The following FNIP1 variants were observed in gnomAD, a reference collection of about 807,000 sequenced individuals.
FNIP1 encodes folliculin interacting protein 1, also known as folliculin-interacting protein 1.
A neutral mutation model predicts 124.5 loss-of-function variants in FNIP1; 40 were observed. The observed-to-expected ratio is 0.32, with a 90% CI of 0.25 to 0.42. The LOEUF is 0.42. Ranked by LOEUF, FNIP1 falls within the 10% of genes least tolerant of loss-of-function variation. FNIP1 has a pLI of 1.00. For synonymous variants in FNIP1, 472 were observed against 470.6 expected (o/e 1.00, Z -0.04); for missense variants, 1,176 against 1,403.7 (o/e 0.84, Z 2.59).
At chr5:131,782,355 C>T (rs1772022269) in intron 1 of FNIP1, among the ~76,000 whole-genome samples, 1 of 151,968 alleles carries the variant, frequency 6.6e-6, no homozygotes, top group Non-Finnish European at 1.5e-5. Flanking sequence ...TCGAGACCAA[C>T]CTTGGCAACG....
At chr5:131,754,485 A>T (rs904503141) in intron 1 of FNIP1, among the ~76,000 whole-genome samples, 7 of 152,270 alleles carry the variant, frequency 4.6e-5, no homozygotes, top group Non-Finnish European at 1.0e-4. Context: ...GCAGTCTTTC[A>T]GTCCATTATC....
intron 15 of FNIP1, among the ~76,000 whole-genome samples, chr5:131,656,435 A>G (rs1449098106): frequency 1.3e-5 from 2 of 152,224 alleles, no homozygotes; most frequent in African/African-American, 4.8e-5. Flanking sequence ...TTTAAATCTC[A>G]TAATGAAAAT....
chr5:131,768,508 C>T (rs961453189), intron 1 of FNIP1, among the ~76,000 whole-genome samples: 13 of 150,684 alleles, frequency 8.6e-5, no homozygotes, highest in Admixed American at 2.6e-4. Context: ...TATAATGTGA[C>T]TTATTTAAAA....
chr5:131,683,688 T>A (rs1033942860), intron 11 of FNIP1, among the ~76,000 whole-genome samples: 1 of 152,234 alleles, frequency 6.6e-6, no homozygotes, highest in Admixed American at 6.5e-5. Flanking sequence ...TTTATTGGTT[T>A]TTCTTTTTCA....
chr5:131,708,705 A>C (rs1442680249), intron 8 of FNIP1, among the ~76,000 whole-genome samples: 2 of 151,536 alleles, frequency 1.3e-5, no homozygotes. Flanking sequence ...GTAAGGGCAG[A>C]CTCTGGGCTT....
At chr5:131,763,221 A>G (rs1045678100) in intron 1 of FNIP1, among the ~76,000 whole-genome samples, 1 of 152,022 alleles carries the variant, frequency 6.6e-6, no homozygotes, top group African/African-American at 2.4e-5. Context: ...TACCCCATTT[A>G]CCTTGATGTG....
chr5:131,742,518 T>C (rs960953661), intron 2 of FNIP1, among the ~76,000 whole-genome samples: 2 of 152,340 alleles, frequency 1.3e-5, no homozygotes, highest in East Asian at 1.9e-4. Context: ...GGCTTTGGTA[T>C]ATTAAATGGT....
At chr5:131,765,198 G>A (rs1771377937) in intron 1 of FNIP1, among the ~76,000 whole-genome samples, 1 of 152,056 alleles carries the variant, frequency 6.6e-6, no homozygotes, top group East Asian at 1.9e-4. Context: ...CTCCAGCCTG[G>A]ATGACAGAGG....
chr5:131,743,472 AG>A lies in FNIP1; in HGVS notation c.219+1091del, dbSNP rs560273698. ...GAGAGCCTGAGTGATAGAGAGACAA[AG>A]GGAAAATGAGAGACACCAACAGACA... On this transcript the variant is annotated intron_variant, in intron 2 of 17. Coordinates refer to ENST00000510461, the MANE Select transcript of FNIP1 (RefSeq NM_133372.3). Among the ~76,000 whole-genome samples the A allele has an allele frequency of 1.6e-3, 244 of 152,046 alleles. 2 individuals carry two copies. The highest frequency in any genetic ancestry group is 5.6e-3 in the African/African-American group (234 of 41,470).
intron 2 of FNIP1, among the ~76,000 whole-genome samples, chr5:131,742,677 A>T (rs1214512869): frequency 1.3e-5 from 2 of 152,270 alleles, no homozygotes; most frequent in African/African-American, 4.8e-5. Flanking sequence ...AAAGCTGAAT[A>T]ATTTACTTTC....
chr5:131,794,745 C>T (rs1200991884), intron 1 of FNIP1, among the ~76,000 whole-genome samples: 2 of 152,136 alleles, frequency 1.3e-5, no homozygotes, highest in African/African-American at 4.8e-5. Context: ...GTGTATTAAG[C>T]GTGGTCACGC....
intron 15 of FNIP1, among the ~76,000 whole-genome samples, chr5:131,670,120 T>C (rs1167177983): frequency 6.6e-6 from 1 of 152,206 alleles, no homozygotes; most frequent in African/African-American, 2.4e-5. Context: ...ACCCCACTTC[T>C]ATATGTAAGC....
intron 1 of FNIP1, among the ~76,000 whole-genome samples, chr5:131,781,580 A>C (rs539502442): frequency 5.3e-4 from 81 of 152,336 alleles, no homozygotes; most frequent in African/African-American, 1.7e-3. Flanking sequence ...GATGAACAAC[A>C]AAGTCTGGAT....
intron 3 of FNIP1, among the ~76,000 whole-genome samples, chr5:131,724,518 G>A (rs527536902): frequency 2.0e-5 from 3 of 152,116 alleles, no homozygotes; most frequent in Non-Finnish European, 4.4e-5. Context: ...CTTTTGAGAA[G>A]TGTCTGTTTG....
intron 11 of FNIP1, among the ~76,000 whole-genome samples, chr5:131,689,212 G>T (rs1047021130): frequency 6.7e-6 from 1 of 149,662 alleles, no homozygotes; most frequent in Non-Finnish European, 1.5e-5. Flanking sequence ...CAATAACCTA[G>T]AATTCTGTAT....
At chr5:131,708,442 A>C (rs1056855355) in intron 8 of FNIP1, among the ~76,000 whole-genome samples, 7 of 152,112 alleles carry the variant, frequency 4.6e-5, no homozygotes, top group African/African-American at 1.7e-4. Flanking sequence ...GGCCCCAACA[A>C]ACACTTTTCC....
chr5:131,648,742 A>G (rs574413731), intron 16 of FNIP1, among the ~76,000 whole-genome samples: 3 of 152,296 alleles, frequency 2.0e-5, no homozygotes, highest in East Asian at 3.9e-4. Context: ...AGAACATTTT[A>G]TCATCTCAAA....
chr5:131,768,923 G>A (rs966213773), intron 1 of FNIP1, among the ~76,000 whole-genome samples: 5 of 152,114 alleles, frequency 3.3e-5, no homozygotes, highest in Admixed American at 3.3e-4. Context: ...TGTTCACAAA[G>A]CATCAAAAAT....
At chr5:131,752,339 A>G (rs1770902014) in intron 1 of FNIP1, among the ~76,000 whole-genome samples, 1 of 152,036 alleles carries the variant, frequency 6.6e-6, no homozygotes, top group Non-Finnish European at 1.5e-5. Context: ...CACCGCGCCC[A>G]GCCATGAATT....
Sources: allele counts gnomAD v4.1 joint callset (sites outside exome capture counted in the v4.1 genomes callset), GRCh38; gene constraint gnomAD v4.1.1; transcripts MANE v1.5; gene names NCBI Gene and HGNC (gene_info 2026-07-23, HGNC 2026-07-21).